LNX2: variants seen among roughly 807,000 people sequenced by gnomAD.
The protein encoded by LNX2 is ligand of Numb protein X 2.
LNX2 carries 35 observed loss-of-function variants against 66.2 expected under a neutral mutation model. That is an observed-to-expected ratio of 0.53 (90% CI 0.40 to 0.70). LNX2 has a LOEUF of 0.70. Ranked by LOEUF, LNX2 falls within the 30% of genes least tolerant of loss-of-function variation. LNX2 has a pLI of 0.00. For synonymous variants in LNX2, 337 were observed against 315.6 expected (o/e 1.07, Z -0.72); for missense variants, 791 against 850.8 (o/e 0.93, Z 0.87).
chr13:27,595,947 C>T (rs1955592067), intron 1 of LNX2, among the ~76,000 whole-genome samples: 1 of 152,102 alleles, frequency 6.6e-6, no homozygotes, highest in Non-Finnish European at 1.5e-5. Context: ...TTATTAGGAA[C>T]CATATGCTAA....
chr13:27,562,355 A>G (rs1955144878), intron 5 of LNX2, 58 bp downstream of exon 5: 1 of 1,527,772 alleles, frequency 6.5e-7, no homozygotes, highest in African/African-American at 1.4e-5. Context: ...AGTGAAAACA[A>G]ATACTACTAT....
intron 1 of LNX2, among the ~76,000 whole-genome samples, chr13:27,591,736 A>G (rs1180284074): frequency 6.6e-6 from 1 of 152,200 alleles, no homozygotes; most frequent in African/African-American, 2.4e-5. Context: ...AGGGTGGAGG[A>G]TAGACAACAT....
intron 6 of LNX2, among the ~76,000 whole-genome samples, chr13:27,557,880 A>C (rs1488727075): frequency 1.3e-5 from 2 of 152,098 alleles, no homozygotes; most frequent in Non-Finnish European, 2.9e-5. Context: ...AAAATTAGAC[A>C]AACACAACTT....
chr13:27,575,379 G>C (rs1955331315), intron 2 of LNX2, among the ~76,000 whole-genome samples: 1 of 152,154 alleles, frequency 6.6e-6, no homozygotes, highest in Admixed American at 6.6e-5. Context: ...GTTTCTGAGT[G>C]TGTCTGTGAG....
At chr13:27,564,651 A>T (rs1417353165) in intron 4 of LNX2, among the ~76,000 whole-genome samples, 1 of 152,196 alleles carries the variant, frequency 6.6e-6, no homozygotes, top group Non-Finnish European at 1.5e-5. Flanking sequence ...ATAAATATAT[A>T]TAAATGTGGG....
intron 7 of LNX2, among the ~76,000 whole-genome samples, chr13:27,555,664 T>C (rs1465434712): frequency 1.3e-5 from 2 of 152,214 alleles, no homozygotes; most frequent in Non-Finnish European, 2.9e-5. Context: ...TGGTGTGAGG[T>C]AGGGGTTCAA....
intron 2 of LNX2, among the ~76,000 whole-genome samples, chr13:27,570,404 T>C (rs535877661): frequency 2.0e-5 from 3 of 152,350 alleles, no homozygotes; most frequent in Non-Finnish European, 4.4e-5. Flanking sequence ...ATAAAAGTAA[T>C]ATTTTCCCTC....
At chr13:27,579,111 T>G (rs1477616126) in intron 2 of LNX2, among the ~76,000 whole-genome samples, 1 of 152,218 alleles carries the variant, frequency 6.6e-6, no homozygotes, top group Non-Finnish European at 1.5e-5. Context: ...ACCTAACACC[T>G]AGAAAAGTAT....
intron 2 of LNX2, 81 bp from the exon 3 acceptor site, chr13:27,569,357 T>C: frequency 1.4e-6 from 2 of 1,466,898 alleles, no homozygotes; most frequent in East Asian, 4.5e-5. Context: ...ACTAATAGCT[T>C]CTACACAAAC....
At chr13:27,615,197 G>T (rs1353174033) in intron 1 of LNX2, among the ~76,000 whole-genome samples, 1 of 152,196 alleles carries the variant, frequency 6.6e-6, no homozygotes, top group Non-Finnish European at 1.5e-5. Context: ...CTCAATTTGG[G>T]GTTCCCATAA....
chr13:27,558,011 A>G (rs1566116154), intron 6 of LNX2, among the ~76,000 whole-genome samples: 2 of 152,152 alleles, frequency 1.3e-5, no homozygotes, highest in African/African-American at 2.4e-5. Flanking sequence ...AATGTATGCA[A>G]TTTTTACCCA....
At chr13:27,588,805 T>TA (rs1287629027) in intron 1 of LNX2, among the ~76,000 whole-genome samples, 2 of 151,850 alleles carry the variant, frequency 1.3e-5, no homozygotes, top group South Asian at 2.1e-4. Context: ...TCCATGTTAA[T>TA]AAAAAAAACA....
rs1566129899 is a variant in LNX2 at position 27,597,132 on chromosome 13, G to GAA, written c.-100-15330_-100-15329insTT. On this transcript the variant is annotated intron_variant, in intron 1 of 9. Coordinates refer to ENST00000316334, the MANE Select transcript of LNX2 (RefSeq NM_153371.4). ...ACCTCTAAGGCCTATCCTTATCAGAGATCAATCTGTCCTTTTGTAGATGGC... is the reference window on the plus strand; with the variant it reads ...ACCTCTAAGGCCTATCCTTATCAGAGAAATCAATCTGTCCTTTTGTAGATGGC... Among the ~76,000 whole-genome samples, 527 of 152,330 alleles carry GAA rather than the reference G, an allele frequency of 3.5e-3. 1 individual carries two copies. Among genetic ancestry groups the GAA allele is most frequent in the African/African-American group, 0.012 (504 of 41,578 alleles).
rs1232618447 is a variant in LNX2, at chr13:27,550,568, A to T, written c.1779-77T>A. ...CCGCTTATTTTTGTTATAACCCCAT[A>T]CCATGTTATATTTACCACTCTTGGA... On this transcript the variant is annotated intron_variant, in intron 8 of 9. Coordinates refer to ENST00000316334, the MANE Select transcript of LNX2 (RefSeq NM_153371.4). 8.5e-5 allele frequency: 89 copies of T among 1,044,668 alleles called. 1 individual carries two copies. Among genetic ancestry groups the T allele is most frequent in the Non-Finnish European group, 1.2e-4 (83 of 715,424 alleles). The allele number at this position is 1,044,668 out of a possible 1,614,324, so 64.7% of individuals were successfully genotyped here.
chr13:27,568,896 A>T, intron 3 of LNX2, 133 bp downstream of exon 3: 1 of 929,196 alleles, frequency 1.1e-6, no homozygotes, highest in Non-Finnish European at 1.5e-6. Flanking sequence ...TTATATCTCA[A>T]TGAAGTTTCT....
chr13:27,603,944 T>C (rs1376496744), intron 1 of LNX2, among the ~76,000 whole-genome samples: 3 of 149,570 alleles, frequency 2.0e-5, no homozygotes, highest in Non-Finnish European at 4.4e-5. Context: ...TTCTGAAATG[T>C]TTTCCTTCCC....
At chr13:27,616,190 G>GA (rs1361994529) in intron 1 of LNX2, among the ~76,000 whole-genome samples, 60 of 150,120 alleles carry the variant, frequency 4.0e-4, no homozygotes, top group Non-Finnish European at 4.3e-4. Context: ...GGGGGGTTGG[G>GA]GGGGGTAGCA....
chr13:27,553,745 G>A (rs77753244), intron 7 of LNX2, among the ~76,000 whole-genome samples: 16,694 of 152,112 alleles, frequency 0.11, 1,083 homozygotes, highest in East Asian at 0.28. Flanking sequence ...CAGGCCCTGG[G>A]CAGGTTCATT....
chr13:27,590,487 C>T (rs772848501), intron 1 of LNX2, among the ~76,000 whole-genome samples: 12 of 151,958 alleles, frequency 7.9e-5, no homozygotes, highest in Middle Eastern at 3.2e-3. Context: ...CCACGGCCTC[C>T]GAAAGTGCTG....
Sources: gnomAD v4.1 joint callset for allele counts (sites outside exome capture counted in the v4.1 genomes callset) on GRCh38, gnomAD v4.1.1 for gene constraint, MANE v1.5 for transcripts, NCBI Gene and HGNC (gene_info 2026-07-23, HGNC 2026-07-21) for gene names.